Variants in MAD1L1 observed in about 807,000 individuals in gnomAD.
MAD1L1 encodes mitotic arrest deficient 1 like 1, also known as mitotic spindle assembly checkpoint protein MAD1.
A neutral mutation model predicts 96.9 loss-of-function variants in MAD1L1; 95 were observed. The ratio of observed to expected loss-of-function variants is 0.98; its 90% CI spans 0.83 to 1.16. MAD1L1 has a LOEUF of 1.16. Among genes scored for constraint, MAD1L1 ranks in the 50% most tolerant of loss-of-function variants. MAD1L1 has a pLI of 0.00. For synonymous variants in MAD1L1, 473 were observed against 396.6 expected (o/e 1.19, Z -2.29); for missense variants, 1,007 against 954.4 (o/e 1.06, Z -0.73).
chr7:2,081,016 G>T (rs1785615974), intron 11 of MAD1L1, among the ~76,000 whole-genome samples: 1 of 152,176 alleles, frequency 6.6e-6, no homozygotes. Context: ...CCCTCTCCCT[G>T]GTTCCCCGTT....
At chr7:1,946,374 A>G (rs1779229235) in intron 16 of MAD1L1, among the ~76,000 whole-genome samples, 1 of 152,208 alleles carries the variant, frequency 6.6e-6, no homozygotes, top group African/African-American at 2.4e-5. Context: ...ACTCAACTCA[A>G]GCAGATGGGA....
intron 11 of MAD1L1, among the ~76,000 whole-genome samples, chr7:2,092,163 T>G (rs1307689826): frequency 6.6e-6 from 1 of 152,240 alleles, no homozygotes; most frequent in Non-Finnish European, 1.5e-5. Context: ...CCGTCAGTGA[T>G]CTTACAGTTT....
chr7:2,063,021 C>T (rs981142404), intron 12 of MAD1L1, among the ~76,000 whole-genome samples: 6 of 152,158 alleles, frequency 3.9e-5, no homozygotes, highest in African/African-American at 1.2e-4. Flanking sequence ...AAGATATACA[C>T]ACAATTAAAC....
intron 11 of MAD1L1, chr7:2,089,028 C>T (rs1399346879): frequency 6.6e-6 from 1 of 152,268 alleles, no homozygotes; most frequent in African/African-American, 2.4e-5. Flanking sequence ...TGAAGGTCAC[C>T]AAGTTCAGGT....
chr7:2,021,476 C>T (rs11762636), intron 12 of MAD1L1, among the ~76,000 whole-genome samples: 3 of 152,086 alleles, frequency 2.0e-5, no homozygotes, highest in Non-Finnish European at 4.4e-5. Flanking sequence ...GAAAGAAAAA[C>T]TCTCAGCGGG....
intron 12 of MAD1L1, among the ~76,000 whole-genome samples, chr7:2,048,461 C>A (rs1784030321): frequency 6.6e-6 from 1 of 152,224 alleles, no homozygotes; most frequent in African/African-American, 2.4e-5. Flanking sequence ...CTGACGAATG[C>A]CAGCAGTGAC....
At chr7:2,086,248 A>C (rs1374080203) in intron 11 of MAD1L1, among the ~76,000 whole-genome samples, 1 of 152,174 alleles carries the variant, frequency 6.6e-6, no homozygotes, top group African/African-American at 2.4e-5. Context: ...CCTCCCCAAA[A>C]TGCATCCCAT....
At chr7:2,076,904 T>C (rs73048969) in intron 11 of MAD1L1, among the ~76,000 whole-genome samples, 4,093 of 141,440 alleles carry the variant, frequency 0.029, 96 homozygotes, top group South Asian at 0.095. Context: ...GGTTACGACA[T>C]AGTGAGCCCA....
At chr7:1,867,233 T>A (rs1784819660) in intron 18 of MAD1L1, among the ~76,000 whole-genome samples, 1 of 152,072 alleles carries the variant, frequency 6.6e-6, no homozygotes, top group Non-Finnish European at 1.5e-5. Context: ...GGGACACACA[T>A]GAAGCTCATG....
chr7:2,078,923 G>T lies in MAD1L1; in HGVS notation c.1074-9585C>A, dbSNP rs141324750. Among the ~76,000 whole-genome samples, 516 of 152,374 alleles carry T rather than the reference G, an allele frequency of 3.4e-3. 5 individuals are homozygous for T. Among genetic ancestry groups the T allele is most frequent in the African/African-American group, 0.012 (484 of 41,590 alleles). The stretch of plus-strand genomic sequence containing the variant: ...CTGTACTGACCTCCAGGGTCTCCAG[G>T]GCCGTGCCTTGGGCACCCCCATAGG... On this transcript the variant is annotated intron_variant, in intron 11 of 18. Transcript: ENST00000265854.
At position 1,928,377 on chromosome 7, in the gene MAD1L1, C is replaced by A. The variant is rs1331983359; in HGVS notation, c.1807+8310G>T. The stretch of plus-strand genomic sequence containing the variant: ...TGCCACGCCAGACACTGCTCCCCAC[C>A]ACCCACCAGTCCCTAGAGGAGCCCA... On this transcript the variant is annotated intron_variant, in intron 17 of 18. Transcript: ENST00000265854. Among the ~76,000 whole-genome samples the A allele has an allele frequency of 3.3e-5, 5 of 150,864 alleles. No homozygotes were observed. The South Asian group carries it at 1.0e-3, about 32-fold the overall frequency.
intron 11 of MAD1L1, among the ~76,000 whole-genome samples, chr7:2,110,298 A>C (rs1359574565): frequency 6.6e-6 from 1 of 152,156 alleles, no homozygotes; most frequent in Admixed American, 6.5e-5. Context: ...CCGTGCCGCC[A>C]TGCCCCACGC....
intron 14 of MAD1L1, among the ~76,000 whole-genome samples, chr7:1,990,613 C>T (rs182523311): frequency 6.6e-6 from 1 of 152,396 alleles, no homozygotes; most frequent in African/African-American, 2.4e-5. Context: ...GCCTGATGCA[C>T]CGCCCCTGGG....
intron 16 of MAD1L1, among the ~76,000 whole-genome samples, chr7:1,953,573 T>C (rs1475517581): frequency 1.3e-5 from 2 of 152,216 alleles, no homozygotes; most frequent in Admixed American, 1.3e-4. Context: ...CTGAGGCATT[T>C]AGAGGAAGCG....
intron 17 of MAD1L1, among the ~76,000 whole-genome samples, chr7:1,901,012 C>G (rs73048132): frequency 0.033 from 4,970 of 152,232 alleles, 192 homozygotes; most frequent in Admixed American, 0.095. Flanking sequence ...CTCTCTCACC[C>G]TCTGACAGAC....
At chr7:2,191,564 C>G (rs913252899) in intron 10 of MAD1L1, among the ~76,000 whole-genome samples, 4 of 151,966 alleles carry the variant, frequency 2.6e-5, no homozygotes, top group Admixed American at 1.3e-4. Flanking sequence ...AACCCCGTCT[C>G]TACTAAAAAT....
Position 2,149,141 on chromosome 7 carries a change from G to T in MAD1L1, c.1073+11C>A, listed in dbSNP as rs1789448824. 1.2e-6 allele frequency: 2 copies of T among 1,613,424 alleles called. No homozygotes were observed. Reference sequence around the variant, plus strand: ...CGCATCCCCACAAGCACCCTGGGCGGCCAGGTCTACCTGCTGGTGACGGCG... The same window carrying T: ...CGCATCCCCACAAGCACCCTGGGCGTCCAGGTCTACCTGCTGGTGACGGCG... On this transcript the variant is annotated intron_variant, in intron 11 of 18. Transcript: ENST00000265854.
At chr7:1,967,463 G>A (rs562928411) in intron 15 of MAD1L1, among the ~76,000 whole-genome samples, 1 of 152,274 alleles carries the variant, frequency 6.6e-6, no homozygotes, top group South Asian at 2.1e-4. Context: ...CTCAAAGAAC[G>A]GGTACAGGTA....
intron 12 of MAD1L1, among the ~76,000 whole-genome samples, chr7:2,065,696 C>A (rs1784848241): frequency 6.6e-6 from 1 of 152,204 alleles, no homozygotes; most frequent in South Asian, 2.1e-4. Flanking sequence ...ACCATGACAA[C>A]CACAGTCTGT....
Sources: gnomAD v4.1 joint callset for allele counts (sites outside exome capture counted in the v4.1 genomes callset) on GRCh38, gnomAD v4.1.1 for gene constraint, MANE v1.5 for transcripts, NCBI Gene and HGNC (gene_info 2026-07-23, HGNC 2026-07-21) for gene names.